Variants in WDR88 observed in about 807,000 individuals in gnomAD.
WDR88 encodes the protein WD repeat domain 88.
Under a neutral mutation model 46.8 loss-of-function variants are expected in WDR88, and 40 were observed. The observed-to-expected ratio is 0.86, with a 90% confidence interval of 0.66 to 1.11. The LOEUF (loss-of-function observed/expected upper bound fraction) is 1.11. Ranked by LOEUF, WDR88 falls within the 50% of genes most tolerant of loss-of-function variation. WDR88 has a pLI of 0.00. For synonymous variants in WDR88, 235 were observed against 240.7 expected (o/e 0.98, Z 0.22); for missense variants, 562 against 602.4 (o/e 0.93, Z 0.70).
chr19:33,144,773 G>T (rs1973476395), intron 2 of WDR88, 71 bp from the exon 3 acceptor site: 1 of 1,416,114 alleles, frequency 7.1e-7, no homozygotes, highest in Non-Finnish European at 9.8e-7. Flanking sequence ...GGCTAATGTT[G>T]ACCTCGATTT....
chr19:33,159,651 A>C (rs1486871796), intron 7 of WDR88, among the ~76,000 whole-genome samples: 1 of 152,148 alleles, frequency 6.6e-6, no homozygotes, highest in Non-Finnish European at 1.5e-5. Context: ...CCTAGGAGCG[A>C]TGGTTCAGTA....
intron 1 of WDR88, among the ~76,000 whole-genome samples, chr19:33,134,842 C>CA (rs1313543581): frequency 3.7e-5 from 3 of 81,550 alleles, no homozygotes; most frequent in African/African-American, 5.8e-5. Flanking sequence ...TCCCCGACAC[C>CA]CCCCCCCCCG....
chr19:33,158,652 C>T (rs975890468), intron 7 of WDR88, among the ~76,000 whole-genome samples: 3 of 152,152 alleles, frequency 2.0e-5, no homozygotes, highest in African/African-American at 7.2e-5. Context: ...CTTGTTTCAC[C>T]TCCCACGTGG....
intron 5 of WDR88, among the ~76,000 whole-genome samples, chr19:33,150,604 A>T (rs1973613830): frequency 6.6e-6 from 1 of 152,166 alleles, no homozygotes; most frequent in Admixed American, 6.5e-5. Context: ...GTTTGCACAC[A>T]CAACACTGCT....
chr19:33,134,850 C>CT (rs1156584309), intron 1 of WDR88, among the ~76,000 whole-genome samples: 1 of 139,686 alleles, frequency 7.2e-6, no homozygotes. Context: ...ACCCCCCCCC[C>CT]CGCCCCGCAT....
At chr19:33,133,222 AAGAAAAAGAAAAAGAAAGAAAGAAGG>A (rs1342793471) in intron 1 of WDR88, among the ~76,000 whole-genome samples, 3 of 147,940 alleles carry the variant, frequency 2.0e-5, no homozygotes, top group Non-Finnish European at 4.4e-5. Flanking sequence ...GAAAGAAAGA[AAGAAAAAGAAAAAGAAAGAAAGAAGG>A]AGAAAGAAAG....
At chr19:33,149,502 G>C (rs776170348) in intron 5 of WDR88, among the ~76,000 whole-genome samples, 2 of 152,084 alleles carry the variant, frequency 1.3e-5, no homozygotes, top group East Asian at 1.9e-4. Flanking sequence ...GGAGGCTCAG[G>C]CTTCTTAACA....
intron 2 of WDR88, among the ~76,000 whole-genome samples, chr19:33,141,460 C>T (rs1159129312): frequency 6.6e-6 from 1 of 152,072 alleles, no homozygotes; most frequent in Non-Finnish European, 1.5e-5. Context: ...GAGCTCCTGG[C>T]CTCAAGCCGT....
intron 6 of WDR88, 48 bp downstream of exon 6, chr19:33,151,358 C>T (rs771120283): frequency 1.3e-6 from 2 of 1,588,264 alleles, no homozygotes; most frequent in South Asian, 1.1e-5. Context: ...TGGGGCGTCC[C>T]CATTCATGAC....
chr19:33,161,140 T>G (rs1160560330), intron 8 of WDR88, among the ~76,000 whole-genome samples: 1 of 152,110 alleles, frequency 6.6e-6, no homozygotes, highest in Non-Finnish European at 1.5e-5. Flanking sequence ...GCCACTGCAC[T>G]CCAGCCTGGG....
chr19:33,161,477 T>C (rs1177993089), intron 8 of WDR88, among the ~76,000 whole-genome samples: 1 of 152,134 alleles, frequency 6.6e-6, no homozygotes. Flanking sequence ...TGGCTGTGAA[T>C]GCGTGCATCC....
intron 6 of WDR88, among the ~76,000 whole-genome samples, chr19:33,153,433 G>A (rs1306162939): frequency 6.6e-6 from 1 of 151,996 alleles, no homozygotes; most frequent in African/African-American, 2.4e-5. Flanking sequence ...ACTGTGCTTA[G>A]CTTTTTCAGG....
chr19:33,166,968 T>C (rs1030918732), intron 9 of WDR88, among the ~76,000 whole-genome samples: 3 of 152,154 alleles, frequency 2.0e-5, no homozygotes, highest in South Asian at 2.1e-4. Flanking sequence ...TTAAGATATA[T>C]AGAGGTAAGA....
intron 10 of WDR88, chr19:33,174,799 C>T (rs1348412341): frequency 1.0e-6 from 1 of 985,192 alleles, no homozygotes; most frequent in Non-Finnish European, 1.2e-6. Context: ...CGCATGTCCT[C>T]AGGACCCCCA....
intron 9 of WDR88, 21 bp downstream of exon 9, chr19:33,164,286 A>G: frequency 6.2e-7 from 1 of 1,608,214 alleles, no homozygotes. Flanking sequence ...TCAAGCTTAC[A>G]ATATCGATCA....
chr19:33,137,662 C>T lies in WDR88; in HGVS notation c.277-15C>T. 1.9e-6 allele frequency: 3 copies of T among 1,607,788 alleles called. No individual in the cohort carries two copies. Among genetic ancestry groups the T allele is most frequent in the Non-Finnish European group, 2.6e-6 (3 of 1,174,874 alleles). On this transcript the variant is annotated splice_polypyrimidine_tract_variant and intron_variant, in intron 1 of 10. Transcript: ENST00000355868. ...CTGCAACATGTTTAGCTCATCTGGT[C>T]TCTCCTTTTTTCAGATCCCATTTAA...
intron 2 of WDR88, among the ~76,000 whole-genome samples, chr19:33,141,773 T>C (rs748541992): frequency 1.1e-4 from 17 of 152,126 alleles, no homozygotes; most frequent in Non-Finnish European, 2.5e-4. Context: ...CTCTGCCTCC[T>C]GAGTTCAAGC....
chr19:33,155,955 C>T (rs1006009910), intron 6 of WDR88, among the ~76,000 whole-genome samples: 3 of 152,172 alleles, frequency 2.0e-5, no homozygotes, highest in South Asian at 2.1e-4. Context: ...GGCCCAGTGC[C>T]GTGGCTCACG....
chr19:33,174,767 C>T, intron 10 of WDR88: 14 of 985,454 alleles, frequency 1.4e-5, no homozygotes, highest in South Asian at 9.4e-5. Context: ...CCCCATCCTC[C>T]CAACTGTCAA....
Sources: gnomAD v4.1 joint callset for allele counts (sites outside exome capture counted in the v4.1 genomes callset) on GRCh38, gnomAD v4.1.1 for gene constraint, MANE v1.5 for transcripts, NCBI Gene and HGNC (gene_info 2026-07-23, HGNC 2026-07-21) for gene names.